LRRC47: variants seen among roughly 807,000 people sequenced by gnomAD.
LRRC47 encodes the protein leucine-rich repeat-containing protein 47.
In LRRC47, 31 loss-of-function variants were observed where a neutral mutation model predicts 40.9. That is an observed-to-expected ratio of 0.76 (90% CI 0.57 to 1.02). The LOEUF (loss-of-function observed/expected upper bound fraction) is 1.02, where lower values mean the gene tolerates loss of function less well. LRRC47 is among the 50% of genes least tolerant of loss of function. The pLI, the probability that LRRC47 is intolerant of heterozygous loss-of-function variation, is 0.00. For missense variants in LRRC47, 726 were observed against 796.1 expected (o/e 0.91, Z 1.06); for synonymous variants, 427 against 371.9 (o/e 1.15, Z -1.70).
intron 1 of LRRC47, among the ~76,000 whole-genome samples, chr1:3,790,465 T>C (rs1308921337): frequency 6.6e-6 from 1 of 152,198 alleles, no homozygotes; most frequent in Non-Finnish European, 1.5e-5. Context: ...CCATCCCTCA[T>C]TCCCACACGG....
intron 1 of LRRC47, among the ~76,000 whole-genome samples, chr1:3,793,630 A>G (rs1013921231): frequency 3.3e-5 from 5 of 152,142 alleles, no homozygotes; most frequent in Non-Finnish European, 2.9e-5. Flanking sequence ...TCCTGCAGAT[A>G]ACAGCACTAG....
chr1:3,788,836 G>C (rs940373306), intron 1 of LRRC47, among the ~76,000 whole-genome samples: 1 of 152,156 alleles, frequency 6.6e-6, no homozygotes, highest in Non-Finnish European at 1.5e-5. Context: ...AGAAATAAAA[G>C]GGCTCGCGTG....
Position 3,780,525 on chromosome 1 carries a change from C to G in LRRC47, c.*563G>C, listed in dbSNP as rs960583424. On this transcript the variant is annotated 3_prime_UTR_variant, in exon 7 of 7. Coordinates refer to ENST00000378251, the MANE Select transcript of LRRC47 (RefSeq NM_020710.3). ...TTCAGAACATTTTGAACAGTTAATT[C>G]TGACACTTGAATAATCCCATCAAAA... 3 of 153,782 alleles carry G rather than the reference C, an allele frequency of 2.0e-5. No individual in the cohort carries two copies. The highest frequency in any genetic ancestry group is 7.2e-5 in the African/African-American group (3 of 41,438). 9.5% of individuals were successfully genotyped at this position (153,782 alleles called of 1,614,324 possible).
intron 1 of LRRC47, among the ~76,000 whole-genome samples, 173 bp from the exon 2 acceptor site, chr1:3,787,483 C>T (rs1015513751): frequency 6.6e-6 from 1 of 152,198 alleles, no homozygotes; most frequent in African/African-American, 2.4e-5. Flanking sequence ...ACTTCCCCAG[C>T]TCTGCACCCC....
At chr1:3,790,187 G>A (rs1377524846) in intron 1 of LRRC47, among the ~76,000 whole-genome samples, 1 of 152,220 alleles carries the variant, frequency 6.6e-6, no homozygotes, top group African/African-American at 2.4e-5. Context: ...CTGCTGCCGG[G>A]GAAGGATCCT....
intron 3 of LRRC47, 94 bp downstream of exon 3, chr1:3,784,993 C>CAAAA: frequency 5.6e-6 from 4 of 708,196 alleles, no homozygotes; most frequent in Non-Finnish European, 8.3e-6. Flanking sequence ...ACTCCATCTC[C>CAAAA]AAAAAAAAAA....
At position 3,784,037 on chromosome 1, in the gene LRRC47, C is replaced by T. The variant is rs1643547021; in HGVS notation, c.1269G>A (p.Gln423=). The change falls in exon 4 of 7, where the codon CAG becomes CAA. Residue 423 remains glutamine, a synonymous_variant. Transcript: ENST00000378251. ...CACTCTGCCGCTTCTTCTGCTTCCT[C>T]TGCTCCTCGGCCTCCAGCTGCAGCT... ...VRQLQLEAEE[Q]RKQKKRQSVS... 1.2e-6 allele frequency: 2 copies of T among 1,612,432 alleles called. No individual in the cohort carries two copies. The highest frequency in any genetic ancestry group is 1.3e-5 in the African/African-American group (1 of 75,046).
At chr1:3,793,336 G>A (rs535513122) in intron 1 of LRRC47, among the ~76,000 whole-genome samples, 77 of 152,102 alleles carry the variant, frequency 5.1e-4, no homozygotes, top group Non-Finnish European at 9.7e-4. Flanking sequence ...CAGGTGATCC[G>A]CCTGCCTCAG....
At chr1:3,781,805 C>A (rs545040493) in intron 5 of LRRC47, among the ~76,000 whole-genome samples, 1 of 152,136 alleles carries the variant, frequency 6.6e-6, no homozygotes, top group Non-Finnish European at 1.5e-5. Context: ...CACAGCAAGA[C>A]CCCATCTCTA....
intron 1 of LRRC47, 139 bp downstream of exon 1, chr1:3,795,723 C>T: frequency 8.5e-7 from 1 of 1,182,644 alleles, no homozygotes; most frequent in Non-Finnish European, 1.1e-6. Flanking sequence ...CCGCAGCTGG[C>T]TCCTTTCAGC....
At chr1:3,794,587 G>C (rs1033079402) in intron 1 of LRRC47, among the ~76,000 whole-genome samples, 1 of 151,846 alleles carries the variant, frequency 6.6e-6, no homozygotes, top group African/African-American at 2.4e-5. Flanking sequence ...CGATCTGCCC[G>C]CCTCAGCTTC....
intron 1 of LRRC47, 21 bp downstream of exon 1, chr1:3,795,841 G>A: frequency 6.5e-7 from 1 of 1,547,342 alleles, no homozygotes; most frequent in Non-Finnish European, 8.7e-7. Context: ...ATCCCGCCCC[G>A]CCCGGGCAGC....
chr1:3,784,003 G>A lies in LRRC47; in HGVS notation c.1303C>T (p.Leu435=). 2 of 1,606,576 alleles carry A rather than the reference G, an allele frequency of 1.2e-6. No homozygotes were observed. The highest frequency in any genetic ancestry group is 1.3e-5 in the African/African-American group (1 of 74,978). ...KQKKRQSVSG[L]HRYLHLLDGN... is the part of the protein sequence containing the mutation. ...ACCAGGCACGCTGCCCACCTGTGCA[G>A]GCCCGACACACTCTGCCGCTTCTTC... is the stretch of plus-strand genomic sequence containing the variant. The change falls in exon 4 of 7, where the codon CTG becomes TTG. Residue 435 remains leucine, a synonymous_variant. Transcript: ENST00000378251.
intron 1 of LRRC47, among the ~76,000 whole-genome samples, chr1:3,792,546 T>G (rs35230993): frequency 0.11 from 16,266 of 150,528 alleles, 974 homozygotes; most frequent in African/African-American, 0.14. Flanking sequence ...CTGCAACCTC[T>G]GCCTCCCGGG....
intron 1 of LRRC47, among the ~76,000 whole-genome samples, chr1:3,795,069 A>G (rs1038511532): frequency 3.9e-5 from 6 of 151,972 alleles, no homozygotes; most frequent in African/African-American, 7.2e-5. Context: ...AAAAAAAAAA[A>G]AAAAGAAATG....
intron 1 of LRRC47, among the ~76,000 whole-genome samples, chr1:3,789,326 C>T (rs1404608884): frequency 6.6e-6 from 1 of 152,278 alleles, no homozygotes; most frequent in East Asian, 1.9e-4. Flanking sequence ...GCACAGGCAT[C>T]TGAGGTTCTG....
At position 3,780,243 on chromosome 1, in the gene LRRC47, T is replaced by C. The variant is rs1643505496; in HGVS notation, c.*845A>G. 6.6e-6 allele frequency: 1 copy of C among 152,220 alleles called. No individual in the cohort carries two copies. Among genetic ancestry groups the C allele is most frequent in the Non-Finnish European group, 1.5e-5 (1 of 68,056 alleles). The allele number at this position is 152,220 out of a possible 1,614,324, so 9.4% of individuals were successfully genotyped here. A position where few individuals can be genotyped will look rare whatever the true frequency, so the allele number is the denominator to read the frequency against. On this transcript the variant is annotated 3_prime_UTR_variant, in exon 7 of 7. Coordinates refer to ENST00000378251, the MANE Select transcript of LRRC47 (RefSeq NM_020710.3). ...TCGATGGTGCATGTAGTTTTATTTA[T>C]GTGTTTTCATCTGGAAAACCAAGTG... is the stretch of plus-strand genomic sequence containing the variant.
At position 3,786,865 on chromosome 1, in the gene LRRC47, C is replaced by A. The variant is rs148628736; in HGVS notation, c.1061G>T (p.Arg354Leu). 1.3e-6 allele frequency: 2 copies of A among 1,596,060 alleles called. No homozygotes were observed. The highest frequency in any genetic ancestry group is 1.7e-6 in the Non-Finnish European group (2 of 1,170,526). Residue 354 changes from arginine (R) to leucine (L), a missense_variant, in exon 2 of 7, where the codon CGC (arginine) becomes CTC (leucine). Transcript: ENST00000378251. ...GGCACCCACCTGCGAGGTGAGGAAG[C>A]GCTTGAGTGCATTCCCTGGCTGCAG... ...MDLQPGNALK[R>L]FLTSQTKLHE...
Position 3,787,271 on chromosome 1 carries a change from C to T in LRRC47, c.655G>A (p.Ala219Thr), listed in dbSNP as rs1356795520. Reference sequence around the variant, plus strand: ...AGCTTGGGGCAGTCCGCAAGCTCTGCAGGGATCTCGCTCAGCTGGTTGTTC... The same window carrying T: ...AGCTTGGGGCAGTCCGCAAGCTCTGTAGGGATCTCGCTCAGCTGGTTGTTC... ...LSNNQLSEIP[A>T]ELADCPKLKE... The change falls in exon 2 of 7, where the codon GCA becomes ACA. Residue 219 changes from alanine (A) to threonine (T), a missense_variant. Coordinates refer to ENST00000378251, the MANE Select transcript of LRRC47 (RefSeq NM_020710.3). 5 of 1,613,046 alleles carry T rather than the reference C, an allele frequency of 3.1e-6. No individual in the cohort carries two copies. In the African/African-American group the frequency reaches 4.0e-5, roughly 13 times the overall value.
Sources: gnomAD v4.1 joint callset for allele counts (sites outside exome capture counted in the v4.1 genomes callset) on GRCh38, gnomAD v4.1.1 for gene constraint, MANE v1.5 for transcripts, NCBI Gene and HGNC (gene_info 2026-07-23, HGNC 2026-07-21) for gene names.